SLC35F3: variants seen among roughly 807,000 people sequenced by gnomAD.
The protein encoded by SLC35F3 is putative thiamine transporter SLC35F3.
Under a neutral mutation model 49.9 loss-of-function variants are expected in SLC35F3, and 25 were observed. That is an observed-to-expected ratio of 0.50 (90% CI 0.37 to 0.70). SLC35F3 has a LOEUF of 0.70. SLC35F3 is among the 30% of genes least tolerant of loss of function. SLC35F3 has a pLI of 0.00. For synonymous variants in SLC35F3, 275 were observed against 265.4 expected (o/e 1.04, Z -0.35); for missense variants, 525 against 639.8 (o/e 0.82, Z 1.94).
chr1:234,027,873 C>T lies in SLC35F3; in HGVS notation c.283+122115C>T, dbSNP rs145608744. ...GAGATGGATGATAAAGGAATAAGCCCGTGTAAAAGCGAGGTAATTTCAGCT... is the reference window on the plus strand; with the variant it reads ...GAGATGGATGATAAAGGAATAAGCCTGTGTAAAAGCGAGGTAATTTCAGCT... On this transcript the variant is annotated intron_variant, in intron 2 of 7. Coordinates refer to ENST00000366618, the MANE Select transcript of SLC35F3 (RefSeq NM_173508.4). The surrounding 1 kb of genome is among the most constrained non-coding windows in gnomAD (Gnocchi z 4.1). Among the ~76,000 whole-genome samples the T allele has an allele frequency of 3.9e-5, 6 of 152,106 alleles. No individual in the cohort carries two copies. The highest frequency in any genetic ancestry group is 1.3e-4 in the Admixed American group (2 of 15,272).
Position 234,225,882 on chromosome 1 carries a change from G to A in SLC35F3, c.284-5535G>A, listed in dbSNP as rs375038595. Among the ~76,000 whole-genome samples, 45 of 152,304 alleles carry A rather than the reference G, an allele frequency of 3.0e-4. No homozygotes were observed. The South Asian group carries it at 8.1e-3, about 27-fold the overall frequency. Reference sequence around the variant, plus strand: ...ATGAACTGCTGACACACGCTACAACGTGGATAAACCCCAAAGACATGATGT... The same window carrying A: ...ATGAACTGCTGACACACGCTACAACATGGATAAACCCCAAAGACATGATGT... On this transcript the variant is annotated intron_variant, in intron 2 of 7. Transcript: ENST00000366618.
In SLC35F3 at chr1:234,214,431, GAC is replaced by G; in HGVS notation, c.284-16985_284-16984del. On this transcript the variant is annotated intron_variant, in intron 2 of 7. Coordinates refer to ENST00000366618, the MANE Select transcript of SLC35F3 (RefSeq NM_173508.4). This position sits in a 1 kb window ranked among gnomAD's most constrained non-coding sequence, Gnocchi z 8.0. ...CCGCGTCGGCCACGGGCCCGGGAGA[GAC>G]GCGCTCCAGCCGGCCCCAGGATGTA... 2 of 1,476,592 alleles carry G rather than the reference GAC, an allele frequency of 1.4e-6. No individual in the cohort carries two copies. The highest frequency in any genetic ancestry group is 1.8e-6 in the Non-Finnish European group (2 of 1,111,606). 91.5% of individuals were successfully genotyped at this position (1,476,592 alleles called of 1,614,324 possible).
At chr1:234,018,179 T>C (rs1663833886) in intron 2 of SLC35F3, among the ~76,000 whole-genome samples, 1 of 152,168 alleles carries the variant, frequency 6.6e-6, no homozygotes, top group African/African-American at 2.4e-5. Flanking sequence ...GATCTGGGGA[T>C]AGACATAAAT....
intron 2 of SLC35F3, among the ~76,000 whole-genome samples, chr1:234,032,884 A>T (rs1255407870): frequency 1.3e-5 from 2 of 152,198 alleles, no homozygotes; most frequent in Non-Finnish European, 2.9e-5. Context: ...GCTACCCAGT[A>T]GTGGGATTGC....
At chr1:234,039,530 T>C (rs914316214) in intron 2 of SLC35F3, among the ~76,000 whole-genome samples, 1 of 152,154 alleles carries the variant, frequency 6.6e-6, no homozygotes, top group Non-Finnish European at 1.5e-5. Context: ...AGTGAGAAAG[T>C]GCAGGGAGGG....
intron 3 of SLC35F3, among the ~76,000 whole-genome samples, chr1:234,302,335 G>C (rs1668705995): frequency 6.6e-6 from 1 of 152,200 alleles, no homozygotes; most frequent in Non-Finnish European, 1.5e-5. Context: ...AGGTTTCTCA[G>C]AGTAAGATGA....
rs750294478 is a variant in SLC35F3, at chr1:234,231,484, C to T, written c.351C>T (p.Gly117=). The change falls in exon 3 of 8, where the codon GGC becomes GGT. Residue 117 remains glycine (G), a synonymous_variant. Transcript: ENST00000366618. The surrounding 1 kb of genome is among the most constrained non-coding windows in gnomAD (Gnocchi z 5.4). ...EAQAPAGVEA[G]GRASRRCWTC... ...AGGCACCGGCCGGGGTGGAGGCCGG[C>T]GGGAGAGCGAGTCGCCGCTGCTGGA... The T allele has an allele frequency of 5.0e-6, 8 of 1,611,976 alleles. No homozygotes were observed. The highest frequency in any genetic ancestry group is 5.1e-6 in the Non-Finnish European group (6 of 1,179,142).
intron 2 of SLC35F3, among the ~76,000 whole-genome samples, chr1:234,134,375 AATTC>A (rs1378959541): frequency 2.0e-5 from 3 of 148,456 alleles, no homozygotes; most frequent in Admixed American, 2.0e-4. Flanking sequence ...TATAAATATA[AATTC>A]ATTCATTATG....
At chr1:234,019,723 A>G (rs1663862767) in intron 2 of SLC35F3, among the ~76,000 whole-genome samples, 1 of 152,224 alleles carries the variant, frequency 6.6e-6, no homozygotes, top group Non-Finnish European at 1.5e-5. Context: ...AGCCCAGTTA[A>G]ATGTTCACAT....
intron 2 of SLC35F3, among the ~76,000 whole-genome samples, chr1:234,081,347 A>T (rs1329949635): frequency 6.6e-6 from 1 of 152,236 alleles, no homozygotes; most frequent in Non-Finnish European, 1.5e-5. Context: ...ACTGAGAGCT[A>T]GTTCTAATAG....
intron 2 of SLC35F3, among the ~76,000 whole-genome samples, chr1:234,189,740 A>G (rs1666704086): frequency 6.6e-6 from 1 of 152,170 alleles, no homozygotes; most frequent in African/African-American, 2.4e-5. Flanking sequence ...TTCATCACAA[A>G]AAGATCCTCA....
chr1:234,088,263 A>C (rs1164077864), intron 2 of SLC35F3, among the ~76,000 whole-genome samples: 2 of 152,218 alleles, frequency 1.3e-5, no homozygotes, highest in East Asian at 1.9e-4. Flanking sequence ...GCTGCAGTAC[A>C]GTGGCGCGAT....
chr1:234,229,832 T>C (rs1431880332), intron 2 of SLC35F3, among the ~76,000 whole-genome samples: 2 of 152,198 alleles, frequency 1.3e-5, no homozygotes, highest in Non-Finnish European at 2.9e-5. Context: ...TGTCTGAAAC[T>C]GCAATTGCAT....
chr1:234,016,151 T>A (rs940475197), intron 2 of SLC35F3, among the ~76,000 whole-genome samples: 1 of 151,968 alleles, frequency 6.6e-6, no homozygotes, highest in African/African-American at 2.4e-5. Flanking sequence ...GAAACATAAG[T>A]GTTGGTGAGG....
In SLC35F3 at chr1:234,102,832, A is replaced by G. The variant is rs183702946; in HGVS notation, c.284-128585A>G. Reference sequence around the variant, plus strand: ...CTAAAGTCGGAACTTCTGAAAAAGCACTTGGCAGGAAACACACACAGATGG... The same window carrying G: ...CTAAAGTCGGAACTTCTGAAAAAGCGCTTGGCAGGAAACACACACAGATGG... On this transcript the variant is annotated intron_variant, in intron 2 of 7. Coordinates refer to ENST00000366618, the MANE Select transcript of SLC35F3 (RefSeq NM_173508.4). 2.5e-4 allele frequency among the ~76,000 whole-genome samples: 38 copies of G among 152,336 alleles called. No individual in the cohort carries two copies. The East Asian group carries it at 6.9e-3, about 28-fold the overall frequency.
rs138335302 is a variant in SLC35F3 at position 234,225,781 on chromosome 1, A to G, written c.284-5636A>G. Among the ~76,000 whole-genome samples the G allele has an allele frequency of 4.0e-3, 616 of 152,390 alleles. 4 individuals are homozygous for G. Among genetic ancestry groups the G allele is most frequent in the African/African-American group, 0.014 (585 of 41,596 alleles). ...CAGCCCCAAACTGAAAGCAATCTGC[A>G]TGTCCATCGATAGATGAATGGATAA... On this transcript the variant is annotated intron_variant, in intron 2 of 7. Coordinates refer to ENST00000366618, the MANE Select transcript of SLC35F3 (RefSeq NM_173508.4).
Position 234,220,459 on chromosome 1 carries a change from G to A in SLC35F3, c.284-10958G>A, listed in dbSNP as rs553092852. On this transcript the variant is annotated intron_variant, in intron 2 of 7. Transcript: ENST00000366618. Reference sequence around the variant, plus strand: ...CACATGAGCTCATGGTAATAACTGCGGTAGTAATATTTGCTTCCTCCTCGC... The same window carrying A: ...CACATGAGCTCATGGTAATAACTGCAGTAGTAATATTTGCTTCCTCCTCGC... Among the ~76,000 whole-genome samples, 70 of 152,294 alleles carry A rather than the reference G, an allele frequency of 4.6e-4. 1 individual carries two copies. The highest frequency in any genetic ancestry group is 1.5e-3 in the African/African-American group (62 of 41,564).
At chr1:234,224,436 A>G (rs1369290990) in intron 2 of SLC35F3, among the ~76,000 whole-genome samples, 2 of 152,230 alleles carry the variant, frequency 1.3e-5, no homozygotes, top group Non-Finnish European at 2.9e-5. Flanking sequence ...TAGGGCTTCA[A>G]CACGTGAATT....
chr1:234,279,169 G>T (rs1441743060), intron 3 of SLC35F3, among the ~76,000 whole-genome samples: 5 of 152,162 alleles, frequency 3.3e-5, no homozygotes, highest in African/African-American at 1.2e-4. Flanking sequence ...TGTAAGTGGG[G>T]AGGGGACTTC....
Sources: gnomAD v4.1 joint callset for allele counts (sites outside exome capture counted in the v4.1 genomes callset) on GRCh38, gnomAD v4.1.1 for gene constraint, Gnocchi (gnomAD v3.1) non-coding constraint, MANE v1.5 for transcripts, NCBI Gene and HGNC (gene_info 2026-07-23, HGNC 2026-07-21) for gene names.